The following KLF12 variants were observed in gnomAD, a reference collection of about 807,000 sequenced individuals.
KLF12 encodes the protein Krueppel-like factor 12.
A neutral mutation model predicts 37.8 loss-of-function variants in KLF12; 9 were observed. That is an observed-to-expected ratio of 0.24 (90% CI 0.14 to 0.42). KLF12 has a LOEUF of 0.42. KLF12 is among the 10% of genes least tolerant of loss of function. The probability of loss-of-function intolerance (pLI) is 1.00; values close to 1 mark genes in which losing one functional copy is unlikely to be tolerated. For synonymous variants in KLF12, 208 were observed against 202.1 expected, an observed-to-expected ratio of 1.03 and a Z score of -0.25; for missense variants, 411 against 516.0, an observed-to-expected ratio of 0.80 and a Z score of 1.97.
chr13:73,979,999 G>A (rs569514711), intron 2 of KLF12, among the ~76,000 whole-genome samples: 1 of 152,196 alleles, frequency 6.6e-6, no homozygotes, highest in South Asian at 2.1e-4. Context: ...CAGAGAGGGG[G>A]CCTCAGAAAA....
At chr13:74,011,096 T>C (rs1256400526) in intron 1 of KLF12, among the ~76,000 whole-genome samples, 2 of 152,202 alleles carry the variant, frequency 1.3e-5, no homozygotes, top group Non-Finnish European at 2.9e-5. Context: ...TTGGGAAATC[T>C]ATATCTTGAT....
At chr13:74,248,276 G>A in the KLF12 span, among the ~76,000 whole-genome samples, 7 of 152,304 alleles carry the variant, frequency 4.6e-5, no homozygotes, top group Admixed American at 1.3e-4. Flanking sequence ...TGGTGAGGGA[G>A]AAGATGCTAT....
intron 5 of KLF12, among the ~76,000 whole-genome samples, chr13:73,812,276 T>G (rs553675001): frequency 6.6e-6 from 1 of 151,888 alleles, no homozygotes; most frequent in African/African-American, 2.4e-5. Context: ...AATTTGCAGA[T>G]AGAAGAAGAA....
At chr13:74,059,663 C>T (rs920463566) in intron 1 of KLF12, among the ~76,000 whole-genome samples, 30 of 151,916 alleles carry the variant, frequency 2.0e-4, no homozygotes, top group East Asian at 5.8e-4. Flanking sequence ...GTGTGGATTC[C>T]GGATATTATT....
chr13:73,876,070 TAAAAC>T (rs1419466542), intron 3 of KLF12, among the ~76,000 whole-genome samples: 1 of 151,994 alleles, frequency 6.6e-6, no homozygotes, highest in East Asian at 1.9e-4. Context: ...CATACTGACT[TAAAAC>T]AAGACAATGT....
chr13:74,007,303 A>G (rs2138344011), intron 1 of KLF12, among the ~76,000 whole-genome samples: 1 of 148,774 alleles, frequency 6.7e-6, no homozygotes, highest in Admixed American at 6.8e-5. Flanking sequence ...TTTGAGATGG[A>G]GTCTCGCTGC....
chr13:73,769,644 A>T (rs1279775770), intron 5 of KLF12, among the ~76,000 whole-genome samples: 1 of 152,106 alleles, frequency 6.6e-6, no homozygotes, highest in Non-Finnish European at 1.5e-5. Context: ...CCAGCCTTAG[A>T]TCTTCTCTGA....
the KLF12 span, among the ~76,000 whole-genome samples, chr13:74,212,607 A>G: frequency 6.6e-6 from 1 of 152,210 alleles, no homozygotes; most frequent in African/African-American, 2.4e-5. Context: ...CTTGGGAAGC[A>G]CCAACTATGG....
At chr13:74,285,778 T>C in the KLF12 span, among the ~76,000 whole-genome samples, 1 of 152,244 alleles carries the variant, frequency 6.6e-6, no homozygotes, top group South Asian at 2.1e-4. Context: ...ATCTATTTGA[T>C]AAATATTTTA....
At chr13:74,138,616 C>G (rs142068351), upstream of KLF12, among the ~76,000 whole-genome samples, 52 of 152,252 alleles carry the variant, frequency 3.4e-4, no homozygotes, top group East Asian at 5.4e-3. Context: ...AGTTTTCGGT[C>G]CTTCTAGTTT....
At chr13:73,944,278 C>T (rs1285071428) in intron 2 of KLF12, among the ~76,000 whole-genome samples, 1 of 152,162 alleles carries the variant, frequency 6.6e-6, no homozygotes, top group East Asian at 1.9e-4. Context: ...TTGAATTAAG[C>T]AGTCTGATTC....
chr13:73,977,658 A>G (rs1455752707), intron 2 of KLF12, among the ~76,000 whole-genome samples: 1 of 152,238 alleles, frequency 6.6e-6, no homozygotes, highest in Non-Finnish European at 1.5e-5. Context: ...GACCTAGAAT[A>G]GTTAATATAA....
chr13:74,296,191 A>G, the KLF12 span, among the ~76,000 whole-genome samples: 2 of 151,480 alleles, frequency 1.3e-5, no homozygotes, highest in African/African-American at 2.4e-5. Context: ...TGTGTCCACA[A>G]TCTTTCCCGA....
chr13:74,240,235 T>G, the KLF12 span, among the ~76,000 whole-genome samples: 3 of 149,208 alleles, frequency 2.0e-5, no homozygotes, highest in Non-Finnish European at 4.4e-5. Context: ...AGTTCTGGGT[T>G]GAAAATTCTT....
At chr13:74,267,202 C>A in the KLF12 span, among the ~76,000 whole-genome samples, 57 of 152,274 alleles carry the variant, frequency 3.7e-4, no homozygotes, top group African/African-American at 1.3e-3. Flanking sequence ...GTGAATATGA[C>A]CTTATTTGAG....
At chr13:74,004,335 T>C (rs1892357863) in intron 1 of KLF12, among the ~76,000 whole-genome samples, 3 of 152,314 alleles carry the variant, frequency 2.0e-5, no homozygotes, top group South Asian at 4.1e-4. Context: ...AACTACTCTA[T>C]TGTCTATTAA....
intron 2 of KLF12, among the ~76,000 whole-genome samples, chr13:73,959,119 C>G (rs549894904): frequency 1.7e-4 from 2 of 12,054 alleles, no homozygotes; most frequent in South Asian, 6.0e-3. Context: ...TCCACACCCC[C>G]CTTCCAAAAA....
chr13:74,194,894 T>A, the KLF12 span, among the ~76,000 whole-genome samples: 1 of 152,354 alleles, frequency 6.6e-6, no homozygotes, highest in African/African-American at 2.4e-5. Flanking sequence ...GTTGTATCTA[T>A]AAATCTGTTC....
the KLF12 span, among the ~76,000 whole-genome samples, chr13:74,286,567 T>A: frequency 1.3e-5 from 2 of 152,212 alleles, no homozygotes; most frequent in Non-Finnish European, 2.9e-5. Context: ...AGTCTTTTTT[T>A]AAAAGTAGGG....
Sources: gnomAD v4.1 joint callset for allele counts (sites outside exome capture counted in the v4.1 genomes callset) on GRCh38, gnomAD v4.1.1 for gene constraint, MANE v1.5 for transcripts, NCBI Gene and HGNC (gene_info 2026-07-23, HGNC 2026-07-21) for gene names.